Variants in CPED1 observed in about 807,000 individuals in gnomAD.
CPED1 encodes cadherin like and PC-esterase domain containing 1.
Under a neutral mutation model 128.2 loss-of-function variants are expected in CPED1, and 114 were observed. That is an observed-to-expected ratio of 0.89 (90% CI 0.76 to 1.04). CPED1 has a LOEUF of 1.04. CPED1 is among the 50% of genes least tolerant of loss of function. The probability of loss-of-function intolerance (pLI) is 0.00; values close to 1 mark genes in which losing one functional copy is unlikely to be tolerated. For missense variants in CPED1, 1,211 were observed against 1,207.1 expected, an observed-to-expected ratio of 1.00 and a Z score of -0.05; for synonymous variants, 462 against 426.7, an observed-to-expected ratio of 1.08 and a Z score of -1.02.
intron 16 of CPED1, among the ~76,000 whole-genome samples, chr7:121,201,540 A>AAAGG (rs201131783): frequency 0.012 from 1,767 of 150,974 alleles, 38 homozygotes; most frequent in African/African-American, 0.04. Context: ...AGGAAGGAAG[A>AAAGG]AAGGAAGGAA....
At chr7:121,016,237 C>A (rs1792298295) in intron 3 of CPED1, among the ~76,000 whole-genome samples, 1 of 152,072 alleles carries the variant, frequency 6.6e-6, no homozygotes, top group African/African-American at 2.4e-5. Flanking sequence ...TTTCCAGAAG[C>A]CAGCTTAAAT....
intron 22 of CPED1, among the ~76,000 whole-genome samples, chr7:121,276,724 C>T (rs750492837): frequency 1.8e-4 from 27 of 152,240 alleles, no homozygotes; most frequent in Non-Finnish European, 3.7e-4. Context: ...AAGGCCATTG[C>T]AATCCCATAG....
At chr7:121,295,179 A>G (rs1792798770) in intron 22 of CPED1, among the ~76,000 whole-genome samples, 1 of 151,920 alleles carries the variant, frequency 6.6e-6, no homozygotes, top group Non-Finnish European at 1.5e-5. Flanking sequence ...ACACACAAAG[A>G]CTAGAAGATA....
intron 5 of CPED1, among the ~76,000 whole-genome samples, chr7:121,096,833 A>G (rs1275003603): frequency 6.6e-6 from 1 of 152,142 alleles, no homozygotes; most frequent in Non-Finnish European, 1.5e-5. Context: ...AGCCAGACAT[A>G]TATTATTATG....
At chr7:121,164,865 C>T (rs1796488897) in intron 16 of CPED1, among the ~76,000 whole-genome samples, 1 of 152,174 alleles carries the variant, frequency 6.6e-6, no homozygotes, top group Non-Finnish European at 1.5e-5. Context: ...AGGGAATAAA[C>T]ACCTTTTAGT....
At chr7:121,168,447 A>T (rs976231689) in intron 16 of CPED1, among the ~76,000 whole-genome samples, 5 of 152,180 alleles carry the variant, frequency 3.3e-5, no homozygotes, top group Non-Finnish European at 7.4e-5. Flanking sequence ...TTTAATTTTT[A>T]AAAATTTTTA....
At chr7:121,193,862 G>A (rs2116537599) in intron 16 of CPED1, among the ~76,000 whole-genome samples, 1 of 151,724 alleles carries the variant, frequency 6.6e-6, no homozygotes, top group South Asian at 2.1e-4. Flanking sequence ...ATTAAGACAT[G>A]CCTAATAGAA....
In CPED1 at chr7:121,026,326, C is replaced by CA. The variant is rs144216878; in HGVS notation, c.433+10479dup. On this transcript the variant is annotated intron_variant, in intron 3 of 22. Transcript: ENST00000310396. Reference sequence around the variant, plus strand: ...TTCTCTTTCCTGAAATCACAACACACATCTGTCACCAAGCCCTGTAAAATG... The same window carrying CA: ...TTCTCTTTCCTGAAATCACAACACACAATCTGTCACCAAGCCCTGTAAAATG... Among the ~76,000 whole-genome samples the CA allele has an allele frequency of 1.7e-3, 255 of 152,276 alleles. 2 individuals are homozygous for CA. Among genetic ancestry groups the CA allele is most frequent in the African/African-American group, 5.9e-3 (244 of 41,556 alleles).
chr7:121,049,512 T>C (rs1174134167), intron 4 of CPED1, among the ~76,000 whole-genome samples: 1 of 152,236 alleles, frequency 6.6e-6, no homozygotes, highest in Non-Finnish European at 1.5e-5. Context: ...AGAGATTCTC[T>C]GTGATGCCAC....
intron 2 of CPED1, among the ~76,000 whole-genome samples, chr7:120,992,457 TG>T (rs1166278945): frequency 9.9e-5 from 15 of 152,156 alleles, no homozygotes; most frequent in South Asian, 2.1e-4. Context: ...TGAAGATCTT[TG>T]GGGGGAAAAT....
At chr7:121,026,056 A>G (rs1266696583) in intron 3 of CPED1, among the ~76,000 whole-genome samples, 7 of 152,142 alleles carry the variant, frequency 4.6e-5, no homozygotes, top group Admixed American at 4.6e-4. Flanking sequence ...CGTCCCCGTT[A>G]GGAGATCACT....
chr7:121,197,645 GTT>G (rs1285626116), intron 16 of CPED1, among the ~76,000 whole-genome samples: 1 of 152,104 alleles, frequency 6.6e-6, no homozygotes, highest in African/African-American at 2.4e-5. Flanking sequence ...GTGTGTGTGT[GTT>G]TGTGCATGCG....
At chr7:121,076,174 G>A (rs1794120526) in intron 5 of CPED1, among the ~76,000 whole-genome samples, 1 of 152,160 alleles carries the variant, frequency 6.6e-6, no homozygotes, top group Non-Finnish European at 1.5e-5. Context: ...GAGAGTTTTG[G>A]CAATGCCTGG....
intron 16 of CPED1, among the ~76,000 whole-genome samples, chr7:121,202,126 G>C (rs1797413768): frequency 6.6e-6 from 1 of 152,122 alleles, no homozygotes; most frequent in Non-Finnish European, 1.5e-5. Context: ...AGCATCTCCA[G>C]AACATTACCT....
At chr7:121,121,889 A>T (rs1317351508) in intron 7 of CPED1, among the ~76,000 whole-genome samples, 3 of 152,192 alleles carry the variant, frequency 2.0e-5, no homozygotes, top group African/African-American at 7.2e-5. Context: ...TAATTTGACC[A>T]AGGAAATACA....
At chr7:121,077,567 A>G (rs1247944625) in intron 5 of CPED1, among the ~76,000 whole-genome samples, 1 of 152,016 alleles carries the variant, frequency 6.6e-6, no homozygotes, top group East Asian at 1.9e-4. Context: ...GACATAAATA[A>G]TGGATATCTA....
chr7:121,009,583 G>A (rs1792109307), intron 2 of CPED1, among the ~76,000 whole-genome samples: 1 of 148,638 alleles, frequency 6.7e-6, no homozygotes, highest in Admixed American at 6.7e-5. Context: ...CTCTAGCCTG[G>A]GTGACAGAGC....
At chr7:121,146,319 C>A (rs987720328) in intron 16 of CPED1, among the ~76,000 whole-genome samples, 7 of 152,106 alleles carry the variant, frequency 4.6e-5, no homozygotes, top group Admixed American at 1.3e-4. Flanking sequence ...ATAAGGCACT[C>A]ATCCATTTAT....
At chr7:121,139,101 G>T (rs1005351990) in intron 14 of CPED1, among the ~76,000 whole-genome samples, 1 of 151,542 alleles carries the variant, frequency 6.6e-6, no homozygotes, top group African/African-American at 2.4e-5. Flanking sequence ...AAAATTTCAG[G>T]GGCTGTTAGG....
Sources: gnomAD v4.1 joint callset for allele counts (sites outside exome capture counted in the v4.1 genomes callset) on GRCh38, gnomAD v4.1.1 for gene constraint, MANE v1.5 for transcripts, NCBI Gene and HGNC (gene_info 2026-07-23, HGNC 2026-07-21) for gene names.